PABPC4: variants seen among roughly 807,000 people sequenced by gnomAD.
The protein encoded by PABPC4 is polyadenylate-binding protein 4.
A neutral mutation model predicts 74.5 loss-of-function variants in PABPC4; 15 were observed. The observed-to-expected ratio is 0.20, with a 90% CI of 0.13 to 0.31. PABPC4 has a LOEUF of 0.31. PABPC4 is among the 10% of genes least tolerant of loss of function. The pLI, the probability that PABPC4 is intolerant of heterozygous loss-of-function variation, is 1.00. For synonymous variants in PABPC4, 345 were observed against 303.0 expected (o/e 1.14, Z -1.44); for missense variants, 610 against 853.5 (o/e 0.71, Z 3.55).
chr1:39,571,809 G>A (rs1398627291), intron 2 of PABPC4: 3 of 339,708 alleles, frequency 8.8e-6, no homozygotes, highest in African/African-American at 4.3e-5. Context: ...GGAGGTCGAA[G>A]CTACAATGAG....
intron 5 of PABPC4, 68 bp downstream of exon 5, chr1:39,569,527 A>G (rs1374871884): frequency 1.8e-6 from 2 of 1,097,642 alleles, no homozygotes; most frequent in African/African-American, 1.5e-5. Flanking sequence ...GGTAGGTGCT[A>G]GCAAGACCCT....
intron 5 of PABPC4, chr1:39,569,379 C>T (rs904091300): frequency 8.6e-6 from 5 of 580,970 alleles, no homozygotes; most frequent in Non-Finnish European, 1.5e-5. Flanking sequence ...CTTTCAACAA[C>T]TGATAGCTGA....
rs951409754 is a variant in PABPC4, at chr1:39,576,080, G to T, written c.-129C>A. 6.4e-6 allele frequency: 4 copies of T among 623,908 alleles called. No individual in the cohort carries two copies. Among genetic ancestry groups the T allele is most frequent in the Non-Finnish European group, 1.0e-5 (4 of 384,596 alleles). The allele number at this position is 623,908 out of a possible 1,614,324, so 38.6% of individuals were successfully genotyped here. On this transcript the variant is annotated 5_prime_UTR_variant, in exon 1 of 16. Coordinates refer to ENST00000372858, the MANE Select transcript of PABPC4 (RefSeq NM_001135653.2). ...CAGGTGGCACCGGCGCGGCGAGGAC[G>T]AGCTGGAGTCGGCGGGCTTGGAGAC... is the stretch of plus-strand genomic sequence containing the variant.
At chr1:39,564,029 G>A (rs1339304941) in intron 10 of PABPC4, 107 bp from the exon 11 acceptor site, 3 of 930,224 alleles carry the variant, frequency 3.2e-6, no homozygotes, top group Admixed American at 4.1e-5. Context: ...ACATTGCACA[G>A]GGGGCCACTA....
chr1:39,563,752 GAACA>G lies in PABPC4; in HGVS notation c.1541-15_1541-12del. The G allele has an allele frequency of 6.2e-7, 1 of 1,613,912 alleles. No homozygotes were observed. Among genetic ancestry groups the G allele is most frequent in the Non-Finnish European group, 8.5e-7 (1 of 1,179,800 alleles). ...CAGCTGTGGGAACGCCTTAGGGAAAGAACAAATACAATTAAAGCCCATCAGTCTG... is the reference window on the plus strand; with the variant it reads ...CAGCTGTGGGAACGCCTTAGGGAAAGAATACAATTAAAGCCCATCAGTCTG... On this transcript the variant is annotated splice_polypyrimidine_tract_variant and intron_variant, in intron 11 of 15. Coordinates refer to ENST00000372858, the MANE Select transcript of PABPC4 (RefSeq NM_001135653.2).
At chr1:39,569,423 C>A in intron 5 of PABPC4, 172 bp downstream of exon 5, 1 of 615,402 alleles carries the variant, frequency 1.6e-6, no homozygotes. Context: ...TTTGTAAACA[C>A]CTACATGAAG....
In PABPC4 at chr1:39,576,029, G is replaced by C. The variant is rs1417708067; in HGVS notation, c.-78C>G. The C allele has an allele frequency of 9.5e-7, 1 of 1,047,236 alleles. No homozygotes were observed. 64.9% of individuals were successfully genotyped at this position (1,047,236 alleles called of 1,614,324 possible). On this transcript the variant is annotated 5_prime_UTR_variant, in exon 1 of 16. Transcript: ENST00000372858. ...CGCCGCAGGACAAAGGGGCGCCTTC[G>C]GAGCCCGGGCCCGCGCCGCGGCTCA...
rs146800557 is a variant in PABPC4 at position 39,572,731 on chromosome 1, C to T, written c.194-145G>A. 4,409 of 596,336 alleles carry T rather than the reference C, an allele frequency of 7.4e-3. 19 individuals are homozygous for T. The highest frequency in any genetic ancestry group is 0.013 in the Middle Eastern group (34 of 2,700). 36.9% of individuals were successfully genotyped at this position (596,336 alleles called of 1,614,324 possible). On this transcript the variant is annotated intron_variant, in intron 1 of 15. Coordinates refer to ENST00000372858, the MANE Select transcript of PABPC4 (RefSeq NM_001135653.2). ...TATTAAAATAAAAGGGCATCAGATT[C>T]CTCCAGCCTGCACTGTTAGTAAGGG...
chr1:39,561,946 G>A (rs1645774896), intron 14 of PABPC4, 127 bp downstream of exon 14: 1 of 1,215,524 alleles, frequency 8.2e-7, no homozygotes, highest in African/African-American at 1.5e-5. Context: ...TCCAGTCACA[G>A]TCAAGGCATG....
chr1:39,571,130 A>G (rs1645933775), intron 3 of PABPC4, 104 bp downstream of exon 3: 1 of 1,585,940 alleles, frequency 6.3e-7, no homozygotes, highest in African/African-American at 1.3e-5. Flanking sequence ...AGCAGGCCAC[A>G]CTTGGGCCGA....
chr1:39,575,606 CA>C (rs1646013502), intron 1 of PABPC4, among the ~76,000 whole-genome samples, 152 bp downstream of exon 1: 2 of 152,192 alleles, frequency 1.3e-5, no homozygotes, highest in South Asian at 4.1e-4. Context: ...CATCTGATGC[CA>C]GGTCCGCGTT....
chr1:39,575,987 G>C lies in PABPC4; in HGVS notation c.-36C>G, dbSNP rs1226967684. The C allele has an allele frequency of 5.7e-6, 8 of 1,401,172 alleles. No individual in the cohort carries two copies. The highest frequency in any genetic ancestry group is 2.3e-5 in the Admixed American group (1 of 42,806). 86.8% of individuals were successfully genotyped at this position (1,401,172 alleles called of 1,614,324 possible). A position where few individuals can be genotyped will look rare whatever the true frequency, so the allele number is the denominator to read the frequency against. ...CCCACCACCCCGAGCCCCGCCAGGAGGACTTCTTATCGGGCCCGCCGCAGG... is the reference window on the plus strand; with the variant it reads ...CCCACCACCCCGAGCCCCGCCAGGACGACTTCTTATCGGGCCCGCCGCAGG... On this transcript the variant is annotated 5_prime_UTR_variant, in exon 1 of 16. Coordinates refer to ENST00000372858, the MANE Select transcript of PABPC4 (RefSeq NM_001135653.2).
chr1:39,563,958 G>A (rs201294083), intron 10 of PABPC4, 36 bp from the exon 11 acceptor site: 76 of 1,594,080 alleles, frequency 4.8e-5, no homozygotes, highest in East Asian at 4.0e-4. Context: ...CAGTGTTGGC[G>A]GCAGATGTCC....
rs768069090 is a variant in PABPC4 at position 39,563,663 on chromosome 1, T to C, written c.1619A>G (p.Lys540Arg). Residue 540 changes from lysine to arginine, a missense_variant, in exon 12 of 16, where the codon AAA (lysine) becomes AGA (arginine). By Grantham distance (26) the Lys-to-Arg change is conservative. This residue lies in a region of PABPC4 where 277 missense variants were observed against 301.8 expected (regional missense o/e 0.92). Transcript: ENST00000372858. ...AGGGCTGCGGACACTGGAGGCGTATTTGTAGGGGGCAACAGCCCGGGGAGC... is the reference window on the plus strand; with the variant it reads ...AGGGCTGCGGACACTGGAGGCGTATCTGTAGGGGGCAACAGCCCGGGGAGC... ...AAAPRAVAPYKYASSVRSPHP... is the reference protein window; with the variant it reads ...AAAPRAVAPYRYASSVRSPHP... 1.9e-6 allele frequency: 3 copies of C among 1,614,186 alleles called. No homozygotes were observed. The highest frequency in any genetic ancestry group is 2.5e-6 in the Non-Finnish European group (3 of 1,180,040).
intron 14 of PABPC4, 31 bp from the exon 15 acceptor site, chr1:39,561,818 C>T (rs1199157338): frequency 6.3e-7 from 1 of 1,577,322 alleles, no homozygotes; most frequent in East Asian, 2.2e-5. Flanking sequence ...GTCAGTGAAT[C>T]TAGGAGAGCT....
At position 39,569,906 on chromosome 1, in the gene PABPC4, T is replaced by C. The variant is rs745527721; in HGVS notation, c.600A>G (p.Glu200=). Reference sequence around the variant, plus strand: ...CTTTCAGACTCTCATCATCCACCTCTTCCCCAAAGTTTTTGATATAAACAT... The same window carrying C: ...CTTTCAGACTCTCATCATCCACCTCCTCCCCAAAGTTTTTGATATAAACAT... ...FTNVYIKNFG[E]EVDDESLKEL... Residue 200 remains glutamate, a synonymous_variant, in exon 4 of 16, where the codon GAA becomes GAG. Coordinates refer to ENST00000372858, the MANE Select transcript of PABPC4 (RefSeq NM_001135653.2). The C allele has an allele frequency of 5.0e-6, 8 of 1,614,072 alleles. No individual in the cohort carries two copies. The highest frequency in any genetic ancestry group is 1.1e-5 in the South Asian group (1 of 91,090).
chr1:39,570,100 T>A, intron 3 of PABPC4, 98 bp from the exon 4 acceptor site: 1 of 1,205,132 alleles, frequency 8.3e-7, no homozygotes, highest in South Asian at 1.4e-5. Flanking sequence ...CAGGAGAGGT[T>A]AAAACACGAG....
At chr1:39,562,042 C>G in intron 14 of PABPC4, 31 bp downstream of exon 14, 5 of 1,604,880 alleles carry the variant, frequency 3.1e-6, no homozygotes, top group Non-Finnish European at 4.3e-6. Flanking sequence ...AAGCTGAGAA[C>G]TGAAGCTGCA....
chr1:39,575,369 TTG>T (rs1459684570), intron 1 of PABPC4, among the ~76,000 whole-genome samples: 18 of 152,112 alleles, frequency 1.2e-4, no homozygotes, highest in African/African-American at 4.1e-4. Flanking sequence ...TCGCGGGGAA[TTG>T]TGTTTCAAAC....
Sources: allele counts gnomAD v4.1 joint callset (sites outside exome capture counted in the v4.1 genomes callset), GRCh38; gene constraint gnomAD v4.1.1; regional missense constraint gnomAD v4.1.1; transcripts MANE v1.5; gene names NCBI Gene and HGNC (gene_info 2026-07-23, HGNC 2026-07-21).